The following PDE4D variants were observed in gnomAD, a reference collection of about 807,000 sequenced individuals.
PDE4D encodes the protein 3',5'-cyclic-AMP phosphodiesterase 4D.
PDE4D carries 24 observed loss-of-function variants against 87.4 expected under a neutral mutation model. The ratio of observed to expected loss-of-function variants is 0.27; its 90% CI spans 0.20 to 0.39. PDE4D has a LOEUF of 0.39. Among genes scored for constraint, PDE4D ranks in the 10% least tolerant of loss-of-function variants. The pLI, the probability that PDE4D is intolerant of heterozygous loss-of-function variation, is 1.00. For missense variants in PDE4D, 714 were observed against 1,041.0 expected (o/e 0.69, Z 4.32); for synonymous variants, 384 against 383.2 (o/e 1.00, Z -0.02).
chr5:59,777,057 C>T (rs548169452), intron 1 of PDE4D, among the ~76,000 whole-genome samples: 1 of 152,168 alleles, frequency 6.6e-6, no homozygotes, highest in South Asian at 2.1e-4. Context: ...ACCCTTAACT[C>T]GACTTTCCAC....
At chr5:60,105,801 C>A (rs538677527) in intron 2 of PDE4D, among the ~76,000 whole-genome samples, 77 of 152,246 alleles carry the variant, frequency 5.1e-4, no homozygotes, top group African/African-American at 1.6e-3. Flanking sequence ...CCTTTACAGA[C>A]AAGCAAATGC....
chr5:59,214,077 C>CACACACACACA (rs914634790), intron 2 of PDE4D, among the ~76,000 whole-genome samples: 3 of 140,010 alleles, frequency 2.1e-5, no homozygotes, highest in African/African-American at 8.0e-5. Context: ...CACACACACA[C>CACACACACACA]AACCATTCTA....
At chr5:59,542,807 CAGTATGTAAGA>C (rs1385261831) in intron 1 of PDE4D, among the ~76,000 whole-genome samples, 1 of 152,052 alleles carries the variant, frequency 6.6e-6, no homozygotes, top group Non-Finnish European at 1.5e-5. Flanking sequence ...ATTTAGTATA[CAGTATGTAAGA>C]AAAAAGGCAG....
At chr5:59,889,314 T>A (rs1750618533) in intron 1 of PDE4D, among the ~76,000 whole-genome samples, 1 of 151,458 alleles carries the variant, frequency 6.6e-6, no homozygotes, top group Admixed American at 6.6e-5. Context: ...GTTTTAGCTC[T>A]TTTCCTTCTA....
At chr5:60,368,576 A>G (rs1287366470) in intron 1 of PDE4D, among the ~76,000 whole-genome samples, 2 of 152,168 alleles carry the variant, frequency 1.3e-5, no homozygotes, top group Admixed American at 6.5e-5. Context: ...AGAAGAGGGA[A>G]TTATTTGATC....
chr5:60,170,270 A>G (rs908567205), intron 2 of PDE4D, among the ~76,000 whole-genome samples: 12 of 152,064 alleles, frequency 7.9e-5, no homozygotes, highest in African/African-American at 2.6e-4. Flanking sequence ...ATTATCACCT[A>G]TATTACTTGG....
intron 3 of PDE4D, among the ~76,000 whole-genome samples, chr5:59,931,990 TGTG>T (rs1561876681): frequency 6.6e-6 from 1 of 152,174 alleles, no homozygotes; most frequent in Non-Finnish European, 1.5e-5. Context: ...CCTGAGCCAC[TGTG>T]GGGCGCGGCC....
At chr5:59,695,283 T>C (rs1751593756) in intron 1 of PDE4D, among the ~76,000 whole-genome samples, 1 of 152,084 alleles carries the variant, frequency 6.6e-6, no homozygotes, top group Non-Finnish European at 1.5e-5. Context: ...CACCCCTCAT[T>C]TACAAGGGCC....
At chr5:60,380,769 A>G (rs1238075265) in intron 1 of PDE4D, among the ~76,000 whole-genome samples, 1 of 152,248 alleles carries the variant, frequency 6.6e-6, no homozygotes, top group Non-Finnish European at 1.5e-5. Flanking sequence ...AGAAAAGGGC[A>G]GAGATAATAA....
At chr5:59,574,011 T>G (rs370559187) in intron 1 of PDE4D, among the ~76,000 whole-genome samples, 1 of 78,646 alleles carries the variant, frequency 1.3e-5, no homozygotes, top group Non-Finnish European at 2.6e-5. Flanking sequence ...AAAAAATATA[T>G]ATATATATAT....
chr5:59,558,555 A>G (rs955332682), intron 1 of PDE4D: 1 of 152,222 alleles, frequency 6.6e-6, no homozygotes, highest in Non-Finnish European at 1.5e-5. Flanking sequence ...CAATGCCAAC[A>G]ATTTGAAGAA....
At chr5:59,016,794 C>T (rs995194022) in intron 6 of PDE4D, among the ~76,000 whole-genome samples, 1 of 152,088 alleles carries the variant, frequency 6.6e-6, no homozygotes, top group Non-Finnish European at 1.5e-5. Flanking sequence ...TCAACAAACA[C>T]TTATTACATA....
At chr5:60,101,041 C>A (rs1275663682) in intron 2 of PDE4D, among the ~76,000 whole-genome samples, 1 of 152,030 alleles carries the variant, frequency 6.6e-6, no homozygotes, top group East Asian at 1.9e-4. Flanking sequence ...GGCCACTGTC[C>A]ATAGCTGTTA....
At position 59,689,589 on chromosome 5, in the gene PDE4D, T is replaced by C. The variant is rs375568802; in HGVS notation, c.455+203579A>G. On this transcript the variant is annotated intron_variant, in intron 1 of 14. Coordinates refer to ENST00000340635, the MANE Select transcript of PDE4D (RefSeq NM_001104631.2). ...TGTATCTCAAAATAATAAGAGCTAT[T>C]TATGACAAACCCACAGCCAATATCA... 3.5e-4 allele frequency among the ~76,000 whole-genome samples: 54 copies of C among 152,206 alleles called. No individual in the cohort carries two copies. The East Asian group carries it at 6.4e-3, about 18-fold the overall frequency.
intron 1 of PDE4D, chr5:59,529,024 C>T: frequency 2.1e-6 from 1 of 471,904 alleles, no homozygotes; most frequent in South Asian, 1.5e-5. Context: ...CAACAACCAA[C>T]TCTAACCACC....
At chr5:59,215,739 A>C (rs777526092) in intron 2 of PDE4D, 38 bp downstream of exon 2, 5 of 1,561,240 alleles carry the variant, frequency 3.2e-6, no homozygotes, top group Non-Finnish European at 8.8e-7. Context: ...ATATAAATTT[A>C]CTCGGTTTTC....
intron 1 of PDE4D, among the ~76,000 whole-genome samples, chr5:60,509,140 A>G (rs58566905): frequency 0.067 from 10,141 of 152,178 alleles, 965 homozygotes; most frequent in African/African-American, 0.21. Context: ...GCACCTGGCC[A>G]GATTTCTTCT....
chr5:59,168,982 G>T (rs1036823748), intron 5 of PDE4D, among the ~76,000 whole-genome samples: 4 of 152,022 alleles, frequency 2.6e-5, no homozygotes, highest in Non-Finnish European at 5.9e-5. Context: ...AGAGTGTTTG[G>T]TACATTTCAA....
At chr5:59,409,426 TC>T (rs1287490266) in intron 1 of PDE4D, among the ~76,000 whole-genome samples, 1 of 152,154 alleles carries the variant, frequency 6.6e-6, no homozygotes, top group Non-Finnish European at 1.5e-5. Flanking sequence ...GGGTGTCCCC[TC>T]CAAATCTCAT....
Sources: allele counts gnomAD v4.1 joint callset (sites outside exome capture counted in the v4.1 genomes callset), GRCh38; gene constraint gnomAD v4.1.1; transcripts MANE v1.5; gene names NCBI Gene and HGNC (gene_info 2026-07-23, HGNC 2026-07-21).